FAT4: variants seen among roughly 807,000 people sequenced by gnomAD.
FAT4 encodes the protein protocadherin Fat 4.
Under a neutral mutation model 303.9 loss-of-function variants are expected in FAT4, and 84 were observed. The observed-to-expected ratio is 0.28, with a 90% confidence interval of 0.23 to 0.33. The LOEUF (loss-of-function observed/expected upper bound fraction) is 0.33. Among genes scored for constraint, FAT4 ranks in the 10% least tolerant of loss-of-function variants. The probability of loss-of-function intolerance (pLI) is 1.00; values close to 1 mark genes in which losing one functional copy is unlikely to be tolerated. For synonymous variants in FAT4, 2,307 were observed against 2,298.8 expected (o/e 1.00, Z -0.10); for missense variants, 6,005 against 6,146.8 (o/e 0.98, Z 0.77).
rs1250789910 is a variant in FAT4, at chr4:125,481,723, T to G, written c.12807T>G (p.Asn4269Lys). 3.1e-6 allele frequency: 5 copies of G among 1,613,816 alleles called. No homozygotes were observed. The highest frequency in any genetic ancestry group is 4.2e-6 in the Non-Finnish European group (5 of 1,179,842). ...TAATCCATATCCAAGAAAGCAGCAA[T>G]TACACTACTGTGAAGGTGAGATAAA... is the stretch of plus-strand genomic sequence containing the variant. ...GVLIHIQESSNYTTVKIKNGK... is the reference protein window; with the variant it reads ...GVLIHIQESSKYTTVKIKNGK... Residue 4269 changes from asparagine to lysine, a missense_variant, in exon 16 of 18, where the codon AAT becomes AAG. By Grantham distance (94) the Asn-to-Lys change is moderately conservative. Transcript: ENST00000394329.
At chr4:125,424,614 CT>C (rs1029579850) in intron 7 of FAT4, among the ~76,000 whole-genome samples, 1 of 152,096 alleles carries the variant, frequency 6.6e-6, no homozygotes, top group African/African-American at 2.4e-5. Flanking sequence ...CTTAATATTG[CT>C]TTTTCACAAA....
intron 2 of FAT4, among the ~76,000 whole-genome samples, chr4:125,382,356 CTG>C (rs1418022160): frequency 6.6e-6 from 1 of 152,174 alleles, no homozygotes; most frequent in East Asian, 1.9e-4. Context: ...AGAATGGATG[CTG>C]TGTTACCAGG....
chr4:125,434,852 C>T (rs977878090), intron 8 of FAT4, among the ~76,000 whole-genome samples: 5 of 152,164 alleles, frequency 3.3e-5, no homozygotes, highest in African/African-American at 1.2e-4. Flanking sequence ...AGTCTCAGAA[C>T]TTCCTGATGT....
chr4:125,489,866 T>TTTTTTTTTTTTTTTA (rs1727546558), intron 17 of FAT4, 35 bp from the exon 18 acceptor site: 1 of 1,124,120 alleles, frequency 8.9e-7, no homozygotes, highest in Non-Finnish European at 1.2e-6. Flanking sequence ...TTTTTTTTTT[T>TTTTTTTTTTTTTTTA]TTGTAAAAAG....
chr4:125,441,881 A>T (rs1043342602), intron 8 of FAT4, among the ~76,000 whole-genome samples: 1 of 152,148 alleles, frequency 6.6e-6, no homozygotes, highest in Admixed American at 6.6e-5. Flanking sequence ...AGGTTTGCTC[A>T]ATTTATTCTA....
chr4:125,429,454 G>T (rs917785201), intron 7 of FAT4, among the ~76,000 whole-genome samples: 1 of 152,062 alleles, frequency 6.6e-6, no homozygotes, highest in African/African-American at 2.4e-5. Flanking sequence ...CAATAAGAGT[G>T]GCAGAGTTTT....
In FAT4 at chr4:125,452,343, C is replaced by T. The variant is rs1726119031; in HGVS notation, c.11333C>T (p.Pro3778Leu). ...VKRNHNQYVN[P>L]SGVATFFESI... The stretch of plus-strand genomic sequence containing the variant: ...CGAAATCATAATCAGTATGTGAATC[C>T]CAGTGGCGTAGCCACCTTCTTTGAA... Residue 3778 changes from proline to leucine, a missense_variant, in exon 10 of 18, where the codon CCC becomes CTC. Physicochemically the swap from Pro to Leu is moderately conservative, Grantham distance 98. Coordinates refer to ENST00000394329, the MANE Select transcript of FAT4 (RefSeq NM_001291303.3). 2 of 1,614,046 alleles carry T rather than the reference C, an allele frequency of 1.2e-6. No homozygotes were observed. The highest frequency in any genetic ancestry group is 1.7e-5 in the Admixed American group (1 of 60,004).
chr4:125,372,048 T>C (rs1383603034), intron 2 of FAT4, among the ~76,000 whole-genome samples: 1 of 152,044 alleles, frequency 6.6e-6, no homozygotes, highest in Non-Finnish European at 1.5e-5. Flanking sequence ...ATAAGTCTTT[T>C]AAAAACGTTG....
At position 125,449,696 on chromosome 4, in the gene FAT4, G is replaced by T. The variant is rs1271163315; in HGVS notation, c.8686G>T (p.Val2896Leu). 3.4e-5 allele frequency: 55 copies of T among 1,613,772 alleles called. No homozygotes were observed. The highest frequency in any genetic ancestry group is 4.5e-5 in the Non-Finnish European group (53 of 1,179,932). The change falls in exon 10 of 18, where the codon GTA (valine) becomes TTA (leucine). Residue 2896 changes from valine (V) to leucine (L), a missense_variant. By Grantham distance (32) the Val-to-Leu change is conservative (BLOSUM62 1). Coordinates refer to ENST00000394329, the MANE Select transcript of FAT4 (RefSeq NM_001291303.3). ...LTEIGSKVTQ[V>L]FATDPDEGSN... ...TGAGATTGGCTCCAAAGTAACTCAG[G>T]TATTTGCAACAGATCCTGATGAGGG... is the stretch of plus-strand genomic sequence containing the variant.
chr4:125,436,778 T>C (rs1400979705), intron 8 of FAT4, among the ~76,000 whole-genome samples: 1 of 152,132 alleles, frequency 6.6e-6, no homozygotes, highest in Non-Finnish European at 1.5e-5. Flanking sequence ...AAGAACAGTA[T>C]GCTCGAAGCT....
rs773782063 is a variant in FAT4 at position 125,317,515 on chromosome 4, T to C, written c.1104T>C (p.Asp368=). 35 of 1,613,718 alleles carry C rather than the reference T, an allele frequency of 2.2e-5. No individual in the cohort carries two copies. Among genetic ancestry groups the C allele is most frequent in the Non-Finnish European group, 2.9e-5 (34 of 1,180,004 alleles). ...FPATSRYASV[D]ENAQVGTVVA... is the part of the protein sequence containing the mutation. ...CCACCTCGCGCTACGCCTCGGTAGA[T>C]GAGAATGCTCAAGTGGGCACCGTGG... The change falls in exon 2 of 18, where the codon GAT becomes GAC. Residue 368 remains aspartate (D), a synonymous_variant. Coordinates refer to ENST00000394329, the MANE Select transcript of FAT4 (RefSeq NM_001291303.3). The surrounding 1 kb of genome is among the most constrained non-coding windows in gnomAD (Gnocchi z 7.0).
At chr4:125,368,948 T>G (rs755334972) in intron 2 of FAT4, among the ~76,000 whole-genome samples, 3 of 152,180 alleles carry the variant, frequency 2.0e-5, no homozygotes, top group Admixed American at 6.5e-5. Context: ...AAGTTTCACT[T>G]TGGAGAACTG....
chr4:125,423,203 G>A (rs1163894369), intron 7 of FAT4, among the ~76,000 whole-genome samples: 1 of 152,208 alleles, frequency 6.6e-6, no homozygotes, highest in Non-Finnish European at 1.5e-5. Flanking sequence ...ACCAAGAGCT[G>A]AATGATAATC....
chr4:125,373,907 C>A (rs1396694), intron 2 of FAT4, among the ~76,000 whole-genome samples: 51,674 of 151,214 alleles, frequency 0.34, 9,724 homozygotes, highest in Non-Finnish European at 0.43. Context: ...AAGAAAATAT[C>A]TGTATTAGAA....
At chr4:125,399,951 A>G (rs1220533342) in intron 3 of FAT4, among the ~76,000 whole-genome samples, 1 of 151,974 alleles carries the variant, frequency 6.6e-6, no homozygotes. Context: ...ATCATTAGCC[A>G]TAATTCAGTA....
At chr4:125,445,579 T>C (rs1418770132) in intron 8 of FAT4, among the ~76,000 whole-genome samples, 1 of 152,150 alleles carries the variant, frequency 6.6e-6, no homozygotes, top group African/African-American at 2.4e-5. Flanking sequence ...GGACCTCACC[T>C]TATACACAAA....
intron 7 of FAT4, among the ~76,000 whole-genome samples, chr4:125,422,823 G>C (rs2136345): frequency 0.47 from 70,874 of 151,980 alleles, 16,773 homozygotes; most frequent in African/African-American, 0.51. Context: ...GAAAAATGTT[G>C]GAAAGTTTGG....
chr4:125,385,011 T>C (rs539698730), intron 2 of FAT4, among the ~76,000 whole-genome samples: 8 of 61,424 alleles, frequency 1.3e-4, no homozygotes, highest in Non-Finnish European at 2.3e-4. Flanking sequence ...CATATATATA[T>C]ATATATATAT....
chr4:125,355,480 T>C lies in FAT4; in HGVS notation c.5175+33894T>C, dbSNP rs1353173010. ...ATCTGATGGAAATAATATTACGAACTTGGTTTGAGTGTCAGCTCTTTTTAC... is the reference window on the plus strand; with the variant it reads ...ATCTGATGGAAATAATATTACGAACCTGGTTTGAGTGTCAGCTCTTTTTAC... On this transcript the variant is annotated intron_variant, in intron 2 of 17. Transcript: ENST00000394329. Among the ~76,000 whole-genome samples the C allele has an allele frequency of 2.0e-5, 3 of 151,992 alleles. No individual in the cohort carries two copies. In the Admixed American group the frequency reaches 2.0e-4, roughly 10 times the overall value.
Sources: allele counts gnomAD v4.1 joint callset (sites outside exome capture counted in the v4.1 genomes callset), GRCh38; gene constraint gnomAD v4.1.1; non-coding constraint Gnocchi (gnomAD v3.1); transcripts MANE v1.5; gene names NCBI Gene and HGNC (gene_info 2026-07-23, HGNC 2026-07-21).